The following ARHGEF10 variants were observed in gnomAD, a reference collection of about 807,000 sequenced individuals.
The protein encoded by ARHGEF10 is Rho guanine nucleotide exchange factor (GEF) 10.
In ARHGEF10, 140 loss-of-function variants were observed where a neutral mutation model predicts 147.4. The ratio of observed to expected loss-of-function variants is 0.95; its 90% confidence interval spans 0.83 to 1.09. The LOEUF is 1.09. Among genes scored for constraint, ARHGEF10 ranks in the 50% least tolerant of loss-of-function variants. ARHGEF10 has a pLI of 0.00. For synonymous variants in ARHGEF10, 902 were observed against 695.8 expected, an observed-to-expected ratio of 1.30 and a Z score of -4.67; for missense variants, 2,222 against 1,752.7, an observed-to-expected ratio of 1.27 and a Z score of -4.78.
chr8:1,873,061 T>A (rs1049668432), intron 7 of ARHGEF10, among the ~76,000 whole-genome samples: 4 of 152,218 alleles, frequency 2.6e-5, no homozygotes, highest in African/African-American at 9.6e-5. Context: ...AGTCCAGCCG[T>A]CGGCCCCCTG....
At chr8:1,853,353 C>G (rs780840831) in intron 2 of ARHGEF10, among the ~76,000 whole-genome samples, 45 of 152,238 alleles carry the variant, frequency 3.0e-4, no homozygotes, top group Non-Finnish European at 6.0e-4. Flanking sequence ...GAACACTGGG[C>G]CATGGTGTGT....
intron 27 of ARHGEF10, among the ~76,000 whole-genome samples, chr8:1,950,729 GGTTT>G (rs1477097730): frequency 1.2e-5 from 1 of 81,910 alleles, no homozygotes; most frequent in Non-Finnish European, 2.2e-5. Flanking sequence ...TTGTTTTTTA[GGTTT>G]TTTTTTTTTT....
At chr8:1,928,288 AT>A (rs907067303) in intron 23 of ARHGEF10, 138 bp from the exon 24 acceptor site, 190 of 784,788 alleles carry the variant, frequency 2.4e-4, no homozygotes, top group Admixed American at 1.7e-3. Flanking sequence ...TTGTTTAAGA[AT>A]TTTTTTTTAT....
chr8:1,865,635 C>T (rs998294043), intron 5 of ARHGEF10, among the ~76,000 whole-genome samples: 1 of 152,250 alleles, frequency 6.6e-6, no homozygotes, highest in East Asian at 1.9e-4. Context: ...CCCTCATCCT[C>T]AAGGTCCTGC....
chr8:1,848,148 A>G (rs550832395), intron 2 of ARHGEF10, among the ~76,000 whole-genome samples: 17 of 152,364 alleles, frequency 1.1e-4, no homozygotes, highest in African/African-American at 3.6e-4. Flanking sequence ...GAAGTGTTCT[A>G]TGCGTCTTCT....
At chr8:1,857,894 C>T (rs1041987114) in intron 2 of ARHGEF10, 66 bp from the exon 3 acceptor site, 5 of 1,105,574 alleles carry the variant, frequency 4.5e-6, no homozygotes, top group Admixed American at 3.7e-5. Flanking sequence ...ATCTATCTAT[C>T]TATCTATCTA....
chr8:1,903,300 C>A lies in ARHGEF10; in HGVS notation c.1670C>A (p.Ser557Tyr). ...LLLQDMLKNT[S>Y]KGHPDRLPLQ... ...TTGTAGGACATGCTGAAGAACACCT[C>A]CAAAGGCCACCCCGACAGGCTGCCT... The change falls in exon 16 of 29, where the codon TCC (serine) becomes TAC (tyrosine). Residue 557 changes from serine (S) to tyrosine (Y), a missense_variant. Physicochemically the swap from Ser to Tyr is moderately radical, Grantham distance 144 (BLOSUM62 -2). Transcript: ENST00000349830. 1 of 1,614,122 alleles carries A rather than the reference C, an allele frequency of 6.2e-7. No homozygotes were observed. Among genetic ancestry groups the A allele is most frequent in the Non-Finnish European group, 8.5e-7 (1 of 1,180,026 alleles).
At chr8:1,849,602 G>T (rs1441584452) in intron 2 of ARHGEF10, among the ~76,000 whole-genome samples, 6 of 143,006 alleles carry the variant, frequency 4.2e-5, no homozygotes, top group Non-Finnish European at 9.0e-5. Context: ...GACACAGACG[G>T]CAAATGCTGA....
Position 1,866,542 on chromosome 8 carries a change from C to A in ARHGEF10, c.562C>A (p.Arg188=). The change falls in exon 6 of 29, where the codon CGA becomes AGA. Residue 188 remains arginine, a synonymous_variant. Transcript: ENST00000349830. The stretch of plus-strand genomic sequence containing the variant: ...TTCTTTAAGTGAAGATCAAGTCGGT[C>A]GAGAGGACAGCGCACTTGCCCGCTG... ...EPPTSEDQVG[R]EDSALARWAA... 1 of 1,610,856 alleles carries A rather than the reference C, an allele frequency of 6.2e-7. No individual in the cohort carries two copies. The highest frequency in any genetic ancestry group is 1.1e-5 in the South Asian group (1 of 91,040).
rs1563161192 is a variant in ARHGEF10 at position 1,841,808 on chromosome 8, TGGGGCCGCGGCGG to T, written c.-47-1543_-47-1531del. ...GTGAAATGACCTGAAACCTAGGAAC[TGGGGCCGCGGCGG>T]GAACTGGGGCCGCGACGGGAACTGG... On this transcript the variant is annotated intron_variant, in intron 1 of 28. Coordinates refer to ENST00000349830, the MANE Select transcript of ARHGEF10 (RefSeq NM_014629.4). Among the ~76,000 whole-genome samples, 883 of 111,006 alleles carry T rather than the reference TGGGGCCGCGGCGG, an allele frequency of 8.0e-3. 122 individuals carry two copies. The highest frequency in any genetic ancestry group is 0.025 in the African/African-American group (845 of 33,402). 72.8% of individuals were successfully genotyped at this position (111,006 alleles called of 152,430 possible). A position where few individuals can be genotyped will look rare whatever the true frequency, so the allele number is the denominator to read the frequency against.
At chr8:1,823,745 G>T (rs1037205983), upstream of ARHGEF10, among the ~76,000 whole-genome samples, 1 of 151,824 alleles carries the variant, frequency 6.6e-6, no homozygotes, top group Admixed American at 6.6e-5. Context: ...CGCGTGCGCA[G>T]CCTGGGCCGG....
rs1008126565 is a variant in ARHGEF10 at position 1,854,504 on chromosome 8, G to T, written c.38-3456G>T. On this transcript the variant is annotated intron_variant, in intron 2 of 28. Transcript: ENST00000349830. Reference sequence around the variant, plus strand: ...TCTGCAGAGTCTATATAACTTGAAAGTCTTTCCCTGCAGTGTTTGCAGAGG... The same window carrying T: ...TCTGCAGAGTCTATATAACTTGAAATTCTTTCCCTGCAGTGTTTGCAGAGG... Among the ~76,000 whole-genome samples, 3 of 152,194 alleles carry T rather than the reference G, an allele frequency of 2.0e-5. No homozygotes were observed. In the South Asian group the frequency reaches 6.2e-4, roughly 32 times the overall value.
intron 17 of ARHGEF10, among the ~76,000 whole-genome samples, chr8:1,908,829 A>G (rs1811125120): frequency 6.6e-6 from 1 of 152,164 alleles, no homozygotes; most frequent in Admixed American, 6.5e-5. Flanking sequence ...CTTGATAAAT[A>G]TTTTAGTCAT....
At position 1,957,713 on chromosome 8, in the gene ARHGEF10, A is replaced by G. The variant is rs559872003; in HGVS notation, c.*450A>G. On this transcript the variant is annotated 3_prime_UTR_variant, in exon 29 of 29. Coordinates refer to ENST00000349830, the MANE Select transcript of ARHGEF10 (RefSeq NM_014629.4). ...AAGTTTTACCTGATTCAGATTCACG[A>G]CTTTTATTTATATTCTATATTTTTG... 1.2e-4 allele frequency: 19 copies of G among 165,100 alleles called. 2 individuals carry two copies. The South Asian group carries it at 3.0e-3, about 26-fold the overall frequency. The allele number at this position is 165,100 out of a possible 1,614,324, so 10.2% of individuals were successfully genotyped here.
rs999252229 is a variant in ARHGEF10 at position 1,876,664 on chromosome 8, A to T, written c.773A>T (p.Glu258Val). The part of the protein sequence containing the change: ...GWSSSEFESY[E>V]EQSDSECKNG... ...AGTTCGAGTGAATTTGAAAGTTACG[A>T]AGAGCAGAGTGACTCGGAGTGCAAG... Residue 258 changes from glutamate to valine, a missense_variant, in exon 8 of 29, where the codon GAA becomes GTA. Glu to Val is a moderately radical substitution (Grantham distance 121). Coordinates refer to ENST00000349830, the MANE Select transcript of ARHGEF10 (RefSeq NM_014629.4). 6.2e-7 allele frequency: 1 copy of T among 1,614,240 alleles called. No individual in the cohort carries two copies. The highest frequency in any genetic ancestry group is 8.5e-7 in the Non-Finnish European group (1 of 1,180,046).
At chr8:1,949,981 G>T (rs761300376) in intron 27 of ARHGEF10, among the ~76,000 whole-genome samples, 3 of 152,260 alleles carry the variant, frequency 2.0e-5, no homozygotes, top group South Asian at 2.1e-4. Context: ...TACACCCCCA[G>T]CTTCTCCCAG....
At chr8:1,871,817 A>C (rs1384231667) in intron 7 of ARHGEF10, among the ~76,000 whole-genome samples, 1 of 152,208 alleles carries the variant, frequency 6.6e-6, no homozygotes, top group Non-Finnish European at 1.5e-5. Flanking sequence ...ACTCCCTCTG[A>C]AAAAACAAAA....
rs1808851106 is a variant in ARHGEF10 at position 1,888,034 on chromosome 8, G to GCAAT, written c.1182+2327_1182+2328insCAAT. Among the ~76,000 whole-genome samples, 4 of 147,710 alleles carry GCAAT rather than the reference G, an allele frequency of 2.7e-5. No homozygotes were observed. In the East Asian group the frequency reaches 8.3e-4, roughly 31 times the overall value. ...AGCTTTGTTAGGAGGCACTGAGTAG[G>GCAAT]GTGAGGGTTGTTAGGAGACAGTGAG... On this transcript the variant is annotated intron_variant, in intron 11 of 28. Coordinates refer to ENST00000349830, the MANE Select transcript of ARHGEF10 (RefSeq NM_014629.4).
At chr8:1,940,445 T>G (rs986011020) in intron 26 of ARHGEF10, among the ~76,000 whole-genome samples, 1 of 152,102 alleles carries the variant, frequency 6.6e-6, no homozygotes, top group Non-Finnish European at 1.5e-5. Context: ...AAATAGAACA[T>G]TTGAATAGAC....
Sources: allele counts gnomAD v4.1 joint callset (sites outside exome capture counted in the v4.1 genomes callset), GRCh38; gene constraint gnomAD v4.1.1; transcripts MANE v1.5; gene names NCBI Gene and HGNC (gene_info 2026-07-23, HGNC 2026-07-21).